LPCAT1: variants seen among roughly 807,000 people sequenced by gnomAD.
The protein encoded by LPCAT1 is lysophosphatidylcholine acyltransferase 1.
Under a neutral mutation model 60.9 loss-of-function variants are expected in LPCAT1, and 23 were observed. The observed-to-expected ratio is 0.38, with a 90% CI of 0.27 to 0.53. The LOEUF is 0.53. Ranked by LOEUF, LPCAT1 falls within the 20% of genes least tolerant of loss-of-function variation. LPCAT1 has a pLI of 0.82. For missense variants in LPCAT1, 622 were observed against 723.6 expected, an observed-to-expected ratio of 0.86 and a Z score of 1.61; for synonymous variants, 340 against 301.1, an observed-to-expected ratio of 1.13 and a Z score of -1.34.
chr5:1,475,958 G>A (rs1050131494), intron 9 of LPCAT1, among the ~76,000 whole-genome samples: 4 of 152,214 alleles, frequency 2.6e-5, no homozygotes, highest in South Asian at 4.1e-4. Flanking sequence ...TTTTGCTGAC[G>A]GTGGCAGACC....
Position 1,483,306 on chromosome 5 carries a change from T to G in LPCAT1, c.726+122A>C. On this transcript the variant is annotated intron_variant, in intron 6 of 13. Coordinates refer to ENST00000283415, the MANE Select transcript of LPCAT1 (RefSeq NM_024830.5). The surrounding 1 kb of genome is among the most constrained non-coding windows in gnomAD (Gnocchi z 9.2). ...GCCGGATGGACTCAGCATGGCCAAG[T>G]GTGGGCTGTGGCGCAGATAAAGGGT... 9.1e-7 allele frequency: 1 copy of G among 1,093,994 alleles called. No individual in the cohort carries two copies. The highest frequency in any genetic ancestry group is 2.4e-5 in the East Asian group (1 of 41,972). 67.8% of individuals were successfully genotyped at this position (1,093,994 alleles called of 1,614,324 possible). A position where few individuals can be genotyped will look rare whatever the true frequency, so the allele number is the denominator to read the frequency against.
chr5:1,479,135 C>T (rs1338337306), intron 8 of LPCAT1, among the ~76,000 whole-genome samples: 1 of 152,234 alleles, frequency 6.6e-6, no homozygotes, highest in Non-Finnish European at 1.5e-5. Flanking sequence ...GTAGTTCACG[C>T]CTGTGATCCC....
Position 1,481,096 on chromosome 5 carries a change from G to A in LPCAT1, c.727-120C>T. ...CCCCACAGAGGCGCTGCAGCCAGGG[G>A]GAAGGGAGGAGGGTGCTAGAGCTCC... On this transcript the variant is annotated intron_variant, in intron 6 of 13. Coordinates refer to ENST00000283415, the MANE Select transcript of LPCAT1 (RefSeq NM_024830.5). This position sits in a 1 kb window ranked among gnomAD's most constrained non-coding sequence, Gnocchi z 7.8. 8.1e-7 allele frequency: 1 copy of A among 1,231,156 alleles called. No homozygotes were observed. The highest frequency in any genetic ancestry group is 1.2e-6 in the Non-Finnish European group (1 of 846,214). 76.3% of individuals were successfully genotyped at this position (1,231,156 alleles called of 1,614,324 possible). A position where few individuals can be genotyped will look rare whatever the true frequency, so the allele number is the denominator to read the frequency against.
Position 1,495,325 on chromosome 5 carries a change from C to T in LPCAT1, c.279-411G>A, listed in dbSNP as rs1735746647. Among the ~76,000 whole-genome samples the T allele has an allele frequency of 1.0e-5, 1 of 98,148 alleles. No individual in the cohort carries two copies. The highest frequency in any genetic ancestry group is 2.0e-5 in the Non-Finnish European group (1 of 49,862). The allele number at this position is 98,148 out of a possible 152,430, so 64.4% of individuals were successfully genotyped here. On this transcript the variant is annotated intron_variant, in intron 2 of 13. Transcript: ENST00000283415. The surrounding 1 kb of genome is among the most constrained non-coding windows in gnomAD (Gnocchi z 4.7). ...ATTAAAACACCTAAAACGCATATCGCAATATGGGGGGGGGGGCGCTCAGAG... is the reference window on the plus strand; with the variant it reads ...ATTAAAACACCTAAAACGCATATCGTAATATGGGGGGGGGGGCGCTCAGAG...
At chr5:1,493,313 G>A (rs1735659574) in intron 3 of LPCAT1, among the ~76,000 whole-genome samples, 1 of 152,238 alleles carries the variant, frequency 6.6e-6, no homozygotes, top group Non-Finnish European at 1.5e-5. Flanking sequence ...TCCCCCATGG[G>A]CCATGCCAGG....
intron 11 of LPCAT1, among the ~76,000 whole-genome samples, chr5:1,471,409 C>T (rs1323094943): frequency 6.6e-6 from 1 of 152,216 alleles, no homozygotes; most frequent in Non-Finnish European, 1.5e-5. Context: ...CTCCTCACAC[C>T]CAGAGTCTCC....
At chr5:1,464,963 C>G (rs1448803915) in intron 13 of LPCAT1, among the ~76,000 whole-genome samples, 1 of 151,660 alleles carries the variant, frequency 6.6e-6, no homozygotes, top group Non-Finnish European at 1.5e-5. Flanking sequence ...TAACTACACA[C>G]ATGCACGCAC....
chr5:1,463,791 C>G lies in LPCAT1; in HGVS notation c.1465G>C (p.Glu489Gln). Residue 489 changes from glutamate (E) to glutamine (Q), a missense_variant, in exon 14 of 14, where the codon GAA becomes CAA. Physicochemically the swap from Glu to Gln is conservative, Grantham distance 29. Transcript: ENST00000283415. ...TGTGTCTGATCCGGGTACAGGTATT[C>G]CTCTGCGAAGGCAGGGTACATTTCT... ...FAEMYPAFAE[E>Q]YLYPDQTHFE... 1 of 1,614,212 alleles carries G rather than the reference C, an allele frequency of 6.2e-7. No individual in the cohort carries two copies. Among genetic ancestry groups the G allele is most frequent in the Non-Finnish European group, 8.5e-7 (1 of 1,180,046 alleles).
chr5:1,471,331 G>A (rs150454114), intron 11 of LPCAT1, among the ~76,000 whole-genome samples: 74 of 152,340 alleles, frequency 4.9e-4, no homozygotes, highest in African/African-American at 1.7e-3. Context: ...GAGCTGTGAC[G>A]TGGAGCTAAA....
rs543584747 is a variant in LPCAT1, at chr5:1,477,550, G to A, written c.817-64C>T. On this transcript the variant is annotated intron_variant, in intron 8 of 13. Transcript: ENST00000283415. This position sits in a 1 kb window ranked among gnomAD's most constrained non-coding sequence, Gnocchi z 6.0. ...CTGACCTCAGCAACACCACTGTAACGACAACTGGGAGGCTGACAAAATTAA... is the reference window on the plus strand; with the variant it reads ...CTGACCTCAGCAACACCACTGTAACAACAACTGGGAGGCTGACAAAATTAA... 22 of 1,207,098 alleles carry A rather than the reference G, an allele frequency of 1.8e-5. No homozygotes were observed. Among genetic ancestry groups the A allele is most frequent in the East Asian group, 1.2e-4 (5 of 42,428 alleles). 74.8% of individuals were successfully genotyped at this position (1,207,098 alleles called of 1,614,324 possible). A position where few individuals can be genotyped will look rare whatever the true frequency, so the allele number is the denominator to read the frequency against.
intron 2 of LPCAT1, among the ~76,000 whole-genome samples, chr5:1,497,825 C>G (rs1411778738): frequency 6.6e-6 from 1 of 152,244 alleles, no homozygotes; most frequent in African/African-American, 2.4e-5. Flanking sequence ...TGTTCCCACA[C>G]AGAGCATTCA....
Position 1,523,699 on chromosome 5 carries a change from T to G in LPCAT1, c.135+11A>C, listed in dbSNP as rs1736746541. 1 of 1,102,818 alleles carries G rather than the reference T, an allele frequency of 9.1e-7. No homozygotes were observed. Among genetic ancestry groups the G allele is most frequent in the Non-Finnish European group, 1.1e-6 (1 of 904,340 alleles). The allele number at this position is 1,102,818 out of a possible 1,614,324, so 68.3% of individuals were successfully genotyped here. ...CGCCGGCTCCCGGGGCCGCGCGCCC[T>G]GGGCACCCACCTGGGCCTTCTGCAG... On this transcript the variant is annotated intron_variant, in intron 1 of 13. Coordinates refer to ENST00000283415, the MANE Select transcript of LPCAT1 (RefSeq NM_024830.5). This position sits in a 1 kb window ranked among gnomAD's most constrained non-coding sequence, Gnocchi z 7.1.
intron 1 of LPCAT1, among the ~76,000 whole-genome samples, chr5:1,520,893 A>G (rs1736654517): frequency 6.7e-6 from 1 of 148,392 alleles, no homozygotes; most frequent in African/African-American, 2.5e-5. Context: ...AAAGAAAAAG[A>G]AAAAAAAAAG....
In LPCAT1 at chr5:1,489,867, G is replaced by A. The variant is rs1220390500; in HGVS notation, c.494-9C>T. 3.2e-6 allele frequency: 5 copies of A among 1,583,862 alleles called. No homozygotes were observed. In the South Asian group the frequency reaches 4.4e-5, roughly 14 times the overall value. ...TATATACTGGATCAGAGCTGGAAGA[G>A]AGGAGGGGAGACGGATCACGTGGAA... On this transcript the variant is annotated splice_polypyrimidine_tract_variant and intron_variant, in intron 3 of 13. Coordinates refer to ENST00000283415, the MANE Select transcript of LPCAT1 (RefSeq NM_024830.5).
chr5:1,484,495 G>T (rs72717529), intron 5 of LPCAT1, among the ~76,000 whole-genome samples: 1 of 152,216 alleles, frequency 6.6e-6, no homozygotes, highest in South Asian at 2.1e-4. Flanking sequence ...GAGGCCAGGC[G>T]AGTGAATCCC....
chr5:1,467,085 C>T, intron 12 of LPCAT1, 195 bp from the exon 13 acceptor site: 2 of 453,806 alleles, frequency 4.4e-6, no homozygotes, highest in Non-Finnish European at 7.2e-6. Flanking sequence ...ATCTGGCCCC[C>T]TCCAGGTGCC....
chr5:1,466,657 C>T (rs1734418345), intron 13 of LPCAT1, 92 bp downstream of exon 13: 1 of 1,399,624 alleles, frequency 7.1e-7, no homozygotes, highest in Non-Finnish European at 9.6e-7. Flanking sequence ...GGGGACTCCA[C>T]TCCTGTCCTG....
chr5:1,523,024 C>T lies in LPCAT1; in HGVS notation c.135+686G>A, dbSNP rs1470958340. On this transcript the variant is annotated intron_variant, in intron 1 of 13. Coordinates refer to ENST00000283415, the MANE Select transcript of LPCAT1 (RefSeq NM_024830.5). This position sits in a 1 kb window ranked among gnomAD's most constrained non-coding sequence, Gnocchi z 7.1. ...CAGCCCAGGTTGCATAAAGTTGATT[C>T]GGGTCAGACCAGCCCCGAGAAAGCA... Among the ~76,000 whole-genome samples, 1 of 152,218 alleles carries T rather than the reference C, an allele frequency of 6.6e-6. No individual in the cohort carries two copies. Among genetic ancestry groups the T allele is most frequent in the African/African-American group, 2.4e-5 (1 of 41,464 alleles).
chr5:1,483,337 G>T lies in LPCAT1; in HGVS notation c.726+91C>A. 7.6e-7 allele frequency: 1 copy of T among 1,315,750 alleles called. No homozygotes were observed. Among genetic ancestry groups the T allele is most frequent in the Non-Finnish European group, 1.1e-6 (1 of 909,550 alleles). 81.5% of individuals were successfully genotyped at this position (1,315,750 alleles called of 1,614,324 possible). A position where few individuals can be genotyped will look rare whatever the true frequency, so the allele number is the denominator to read the frequency against. On this transcript the variant is annotated intron_variant, in intron 6 of 13. Transcript: ENST00000283415. This position sits in a 1 kb window ranked among gnomAD's most constrained non-coding sequence, Gnocchi z 9.2. ...CTGTGGCGCAGATAAAGGGTGTGGA[G>T]AGACAGAGACACAGGTGCACAGAGG...
Sources: allele counts gnomAD v4.1 joint callset (sites outside exome capture counted in the v4.1 genomes callset), GRCh38; gene constraint gnomAD v4.1.1; non-coding constraint Gnocchi (gnomAD v3.1); transcripts MANE v1.5; gene names NCBI Gene and HGNC (gene_info 2026-07-23, HGNC 2026-07-21).